The following IFT43 variants were observed in gnomAD, a reference collection of about 807,000 sequenced individuals.
The protein encoded by IFT43 is intraflagellar transport protein 43 homolog.
IFT43 carries 33 observed loss-of-function variants against 32.3 expected under a neutral mutation model. That is an observed-to-expected ratio of 1.02 (90% CI 0.77 to 1.37). IFT43 has a LOEUF of 1.37. Among genes scored for constraint, IFT43 ranks in the 40% most tolerant of loss-of-function variants. The pLI is 0.00. For missense variants in IFT43, 274 were observed against 265.9 expected (o/e 1.03, Z -0.21); for synonymous variants, 93 against 98.2 (o/e 0.95, Z 0.31).
chr14:76,056,696 T>A (rs1057019211), intron 3 of IFT43, among the ~76,000 whole-genome samples: 43 of 152,156 alleles, frequency 2.8e-4, no homozygotes, highest in African/African-American at 1.0e-3. Context: ...ACATCTACCC[T>A]TGGTGACATT....
At chr14:75,999,227 TTATATATATATATA>T (rs1162371057) in intron 2 of IFT43, among the ~76,000 whole-genome samples, 9 of 96,104 alleles carry the variant, frequency 9.4e-5, no homozygotes, top group South Asian at 3.5e-4. Flanking sequence ...TAAATTCATT[TTATATATATATATA>T]TATATATATA....
At chr14:75,986,850 G>A (rs1476364238) in intron 1 of IFT43, among the ~76,000 whole-genome samples, 1 of 152,176 alleles carries the variant, frequency 6.6e-6, no homozygotes, top group Non-Finnish European at 1.5e-5. Context: ...ATACGTGAAT[G>A]TTTTTTAGTA....
intron 3 of IFT43, among the ~76,000 whole-genome samples, chr14:76,041,105 T>A (rs1488805858): frequency 6.6e-6 from 1 of 152,246 alleles, no homozygotes; most frequent in East Asian, 1.9e-4. Flanking sequence ...CAGCTTTTCT[T>A]AAGTGAAGCT....
intron 5 of IFT43, among the ~76,000 whole-genome samples, chr14:76,062,104 T>C (rs1457302485): frequency 7.3e-5 from 11 of 151,404 alleles, no homozygotes; most frequent in Non-Finnish European, 2.9e-5. Flanking sequence ...AGAGTCTCAC[T>C]CTGTTTCCTA....
chr14:76,072,065 A>G (rs1002900369), intron 5 of IFT43, among the ~76,000 whole-genome samples: 23 of 152,212 alleles, frequency 1.5e-4, no homozygotes, highest in Non-Finnish European at 5.9e-5. Flanking sequence ...AGTCTTGTCC[A>G]CAGCAGGGCC....
chr14:76,079,262 T>C (rs2037465825), intron 5 of IFT43, among the ~76,000 whole-genome samples: 1 of 152,192 alleles, frequency 6.6e-6, no homozygotes, highest in South Asian at 2.1e-4. Flanking sequence ...CTTCTGAAAA[T>C]GGCCATCACT....
At chr14:76,079,157 C>T (rs1338249455) in intron 5 of IFT43, among the ~76,000 whole-genome samples, 1 of 152,226 alleles carries the variant, frequency 6.6e-6, no homozygotes, top group African/African-American at 2.4e-5. Context: ...CCATGTGGGG[C>T]ATGGCAGGGC....
At chr14:76,051,537 A>G (rs1204819943) in intron 3 of IFT43, among the ~76,000 whole-genome samples, 1 of 152,100 alleles carries the variant, frequency 6.6e-6, no homozygotes, top group Non-Finnish European at 1.5e-5. Context: ...ACATTTATAA[A>G]GTAGAGCCTT....
intron 2 of IFT43, among the ~76,000 whole-genome samples, chr14:76,001,629 G>C (rs937179050): frequency 2.6e-5 from 4 of 152,222 alleles, no homozygotes; most frequent in Non-Finnish European, 4.4e-5. Flanking sequence ...GCAGGTAGTT[G>C]GCTTGATCCA....
At chr14:76,054,326 G>A (rs894831029) in intron 3 of IFT43, among the ~76,000 whole-genome samples, 1 of 152,204 alleles carries the variant, frequency 6.6e-6, no homozygotes, top group Non-Finnish European at 1.5e-5. Context: ...AGTCAAGAAG[G>A]GACCGTCTAC....
intron 3 of IFT43, among the ~76,000 whole-genome samples, chr14:76,043,490 G>C (rs557236683): frequency 4.0e-4 from 61 of 151,778 alleles, no homozygotes; most frequent in African/African-American, 1.4e-3. Context: ...TTTTTGAGAC[G>C]GAGTCTCGCT....
At chr14:76,055,221 T>C (rs1240544121) in intron 3 of IFT43, among the ~76,000 whole-genome samples, 5 of 151,756 alleles carry the variant, frequency 3.3e-5, no homozygotes, top group Admixed American at 6.6e-5. Flanking sequence ...TGGCACGCAC[T>C]TGTAGTCCCA....
intron 5 of IFT43, among the ~76,000 whole-genome samples, chr14:76,077,248 G>C (rs981698857): frequency 1.3e-5 from 2 of 152,098 alleles, no homozygotes; most frequent in Non-Finnish European, 2.9e-5. Flanking sequence ...CAGCTCTGAA[G>C]GAAGCCAAAG....
chr14:76,010,017 A>G (rs2036053372), intron 2 of IFT43, among the ~76,000 whole-genome samples: 1 of 151,752 alleles, frequency 6.6e-6, no homozygotes, highest in South Asian at 2.1e-4. Flanking sequence ...CTGGTCTTGA[A>G]CTCCTGACCT....
intron 3 of IFT43, among the ~76,000 whole-genome samples, chr14:76,030,617 T>C (rs2036493012): frequency 6.6e-6 from 1 of 152,220 alleles, no homozygotes; most frequent in African/African-American, 2.4e-5. Context: ...CTAATGTCAT[T>C]ATCAAAAACA....
intron 3 of IFT43, among the ~76,000 whole-genome samples, chr14:76,056,426 C>T (rs1360266707): frequency 2.6e-5 from 4 of 152,196 alleles, no homozygotes; most frequent in Non-Finnish European, 4.4e-5. Flanking sequence ...TTAAACTCAT[C>T]CCCCTTTTGG....
At chr14:76,058,979 G>A (rs1403374607) in intron 4 of IFT43, 1 of 1,431,910 alleles carries the variant, frequency 7.0e-7, no homozygotes, top group Non-Finnish European at 9.1e-7. Flanking sequence ...AGCAATACCA[G>A]CTTCTAAGCC....
intron 2 of IFT43, among the ~76,000 whole-genome samples, chr14:75,989,935 T>C (rs1351235617): frequency 6.6e-6 from 1 of 152,254 alleles, no homozygotes; most frequent in African/African-American, 2.4e-5. Flanking sequence ...GGAAATGCAT[T>C]CTCCACCACT....
chr14:76,051,895 G>T (rs921823261), intron 3 of IFT43, among the ~76,000 whole-genome samples: 1 of 152,120 alleles, frequency 6.6e-6, no homozygotes, highest in Non-Finnish European at 1.5e-5. Flanking sequence ...CCTTCCTATG[G>T]CTTTGGCGTT....
Sources: allele counts gnomAD v4.1 joint callset (sites outside exome capture counted in the v4.1 genomes callset), GRCh38; gene constraint gnomAD v4.1.1; transcripts MANE v1.5; gene names NCBI Gene and HGNC (gene_info 2026-07-23, HGNC 2026-07-21).